The following GALNT13 variants were observed in gnomAD, a reference collection of about 807,000 sequenced individuals.
GALNT13 encodes the protein UDP-GalNAc:polypeptide N-acetylgalactosaminyltransferase 13.
In GALNT13, 28 loss-of-function variants were observed where a neutral mutation model predicts 64.2. The ratio of observed to expected loss-of-function variants is 0.44; its 90% confidence interval spans 0.32 to 0.60. GALNT13 has a LOEUF of 0.60. Among genes scored for constraint, GALNT13 ranks in the 20% least tolerant of loss-of-function variants. The pLI, the probability that GALNT13 is intolerant of heterozygous loss-of-function variation, is 0.05. For synonymous variants in GALNT13, 214 were observed against 224.6 expected (o/e 0.95, Z 0.42); for missense variants, 577 against 669.8 (o/e 0.86, Z 1.53).
chr2:153,815,071 A>G, the GALNT13 span, among the ~76,000 whole-genome samples: 1 of 152,202 alleles, frequency 6.6e-6, no homozygotes, highest in African/African-American at 2.4e-5. Context: ...TTCTCAGACA[A>G]GCTATTGCCT....
intron 1 of GALNT13, among the ~76,000 whole-genome samples, chr2:153,874,737 G>A (rs945269716): frequency 6.6e-6 from 1 of 152,074 alleles, no homozygotes. Flanking sequence ...TTTTATGAAT[G>A]GTAATTGAGA....
At chr2:153,650,558 A>C in the GALNT13 span, among the ~76,000 whole-genome samples, 1 of 152,098 alleles carries the variant, frequency 6.6e-6, no homozygotes, top group East Asian at 1.9e-4. Context: ...TCTTCCTAGC[A>C]CTGATGGTCT....
At chr2:154,422,811 C>A (rs899137140) in intron 11 of GALNT13, among the ~76,000 whole-genome samples, 3 of 152,106 alleles carry the variant, frequency 2.0e-5, no homozygotes, top group African/African-American at 7.2e-5. Flanking sequence ...AGTGCCACTT[C>A]TGGGTGGCAG....
the GALNT13 span, among the ~76,000 whole-genome samples, chr2:153,450,112 A>G: frequency 3.9e-5 from 6 of 152,170 alleles, no homozygotes; most frequent in Non-Finnish European, 2.9e-5. Context: ...GTTTAGAATG[A>G]ATCTTTCAGG....
At chr2:153,091,001 C>T in the GALNT13 span, among the ~76,000 whole-genome samples, 1 of 152,090 alleles carries the variant, frequency 6.6e-6, no homozygotes, top group Admixed American at 6.5e-5. Context: ...CTGTGAGCTT[C>T]CCTGCTGAAA....
intron 6 of GALNT13, among the ~76,000 whole-genome samples, chr2:154,245,144 T>TAAATAAATAAAA (rs1437426983): frequency 1.7e-4 from 25 of 147,542 alleles, no homozygotes; most frequent in East Asian, 4.2e-4. Flanking sequence ...AATAAATAAA[T>TAAATAAATAAAA]AAAACACCAG....
At chr2:154,140,855 C>A (rs573995988) in intron 4 of GALNT13, among the ~76,000 whole-genome samples, 10 of 152,148 alleles carry the variant, frequency 6.6e-5, no homozygotes, top group African/African-American at 2.4e-4. Flanking sequence ...CTTAACACTG[C>A]AGAAATGTTC....
chr2:153,276,272 A>G, the GALNT13 span, among the ~76,000 whole-genome samples: 1 of 152,048 alleles, frequency 6.6e-6, no homozygotes, highest in Non-Finnish European at 1.5e-5. Context: ...AAAGGTTTAT[A>G]CTTTCATTTA....
Position 154,033,216 on chromosome 2 carries a change from A to G in GALNT13, c.142+88577A>G, listed in dbSNP as rs530301056. ...ATTATAAGTCTGAATGTAAAGCAAC[A>G]TGTAAAACTTTTGAAGAAATACAAT... On this transcript the variant is annotated intron_variant, in intron 3 of 12. Coordinates refer to ENST00000392825, the MANE Select transcript of GALNT13 (RefSeq NM_052917.4). Among the ~76,000 whole-genome samples the G allele has an allele frequency of 2.6e-5, 4 of 152,168 alleles. No individual in the cohort carries two copies. In the South Asian group the frequency reaches 8.3e-4, roughly 32 times the overall value.
At chr2:153,406,759 T>C in the GALNT13 span, among the ~76,000 whole-genome samples, 1 of 152,180 alleles carries the variant, frequency 6.6e-6, no homozygotes, top group Non-Finnish European at 1.5e-5. Context: ...GTATATTTAA[T>C]TTTCTCTTTA....
At chr2:154,024,485 G>A (rs145731768) in intron 3 of GALNT13, among the ~76,000 whole-genome samples, 8 of 151,894 alleles carry the variant, frequency 5.3e-5, no homozygotes, top group East Asian at 1.9e-4. Context: ...TCATTGCATC[G>A]GCTCCTGAGG....
At chr2:153,303,388 TG>T in the GALNT13 span, among the ~76,000 whole-genome samples, 2 of 152,328 alleles carry the variant, frequency 1.3e-5, no homozygotes, top group African/African-American at 4.8e-5. Context: ...TATTTTTGTA[TG>T]TTGATTTTGT....
the GALNT13 span, among the ~76,000 whole-genome samples, chr2:153,461,187 A>C: frequency 3.9e-4 from 59 of 152,096 alleles, 1 homozygote; most frequent in Non-Finnish European, 8.8e-5. Context: ...AAGTTTGGCA[A>C]ATTAGAGAGA....
rs577387372 is a variant in GALNT13, at chr2:154,434,319, G to A, written c.1396-4273G>A. On this transcript the variant is annotated intron_variant, in intron 11 of 12. Coordinates refer to ENST00000392825, the MANE Select transcript of GALNT13 (RefSeq NM_052917.4). Reference sequence around the variant, plus strand: ...CTGTAGCCCAGGCTGGAGTGCAGTGGTGTGATCTCCGCTCACTGCAAATTC... The same window carrying A: ...CTGTAGCCCAGGCTGGAGTGCAGTGATGTGATCTCCGCTCACTGCAAATTC... 2.6e-4 allele frequency among the ~76,000 whole-genome samples: 39 copies of A among 152,282 alleles called. No individual in the cohort carries two copies. In the South Asian group the frequency reaches 7.5e-3, roughly 29 times the overall value.
chr2:154,171,198 C>A (rs1006024229), intron 4 of GALNT13, among the ~76,000 whole-genome samples: 1 of 152,086 alleles, frequency 6.6e-6, no homozygotes, highest in Admixed American at 6.6e-5. Flanking sequence ...GTCTTCCAAA[C>A]TCCTCAAAGC....
intron 3 of GALNT13, among the ~76,000 whole-genome samples, chr2:154,132,378 T>C (rs527753770): frequency 1.1e-3 from 168 of 152,346 alleles, no homozygotes; most frequent in African/African-American, 3.9e-3. Context: ...TATAACATTG[T>C]TTTATAATCC....
At chr2:153,486,337 A>G in the GALNT13 span, among the ~76,000 whole-genome samples, 1 of 152,144 alleles carries the variant, frequency 6.6e-6, no homozygotes, top group South Asian at 2.1e-4. Context: ...TTCTTATGGC[A>G]CTCAAAATTA....
Position 154,173,617 on chromosome 2 carries a change from A to C in GALNT13, c.311+33112A>C, listed in dbSNP as rs1007841686. On this transcript the variant is annotated intron_variant, in intron 4 of 12. Transcript: ENST00000392825. ...AATCAACAAATTGAAGGGACAACCC[A>C]CACAATGGGAGAAACTGTTAGCAAA... 5.3e-5 allele frequency among the ~76,000 whole-genome samples: 8 copies of C among 152,226 alleles called. No individual in the cohort carries two copies. The East Asian group carries it at 1.4e-3, about 26-fold the overall frequency.
chr2:153,621,092 T>C, the GALNT13 span, among the ~76,000 whole-genome samples: 1 of 152,204 alleles, frequency 6.6e-6, no homozygotes, highest in South Asian at 2.1e-4. Flanking sequence ...ACTCTTCTTG[T>C]ACTTTCTCCC....
Sources: gnomAD v4.1 joint callset for allele counts (sites outside exome capture counted in the v4.1 genomes callset) on GRCh38, gnomAD v4.1.1 for gene constraint, MANE v1.5 for transcripts, NCBI Gene and HGNC (gene_info 2026-07-23, HGNC 2026-07-21) for gene names.